IL1RAPL1: variants seen among roughly 807,000 people sequenced by gnomAD.
IL1RAPL1 encodes the protein interleukin-1 receptor accessory protein-like 1.
IL1RAPL1 carries 3 observed loss-of-function variants against 48.4 expected under a neutral mutation model. The observed-to-expected ratio is 0.06, with a 90% CI of 0.03 to 0.16. IL1RAPL1 has a LOEUF of 0.16. Among genes scored for constraint, IL1RAPL1 ranks in the 10% least tolerant of loss-of-function variants. The pLI, the probability that IL1RAPL1 is intolerant of heterozygous loss-of-function variation, is 1.00. For missense variants in IL1RAPL1, 349 were observed against 530.6 expected (o/e 0.66, Z 3.36); for synonymous variants, 185 against 187.7 (o/e 0.99, Z 0.12).
At chrX:29,600,690 G>A (rs1923694951) in intron 5 of IL1RAPL1, among the ~76,000 whole-genome samples, 1 of 111,227 alleles carries the variant, frequency 9.0e-6, no homozygotes, top group East Asian at 2.8e-4. Context: ...ACCAGGTGGG[G>A]GGCAGGGATA....
intron 4 of IL1RAPL1, 150 bp from the exon 5 acceptor site, chrX:29,399,005 T>C (rs1424697846): frequency 1.4e-5 from 6 of 441,166 alleles, no homozygotes; most frequent in Non-Finnish European, 2.4e-5. Flanking sequence ...CCCAGAGATT[T>C]TGAGAAGAAA....
At chrX:29,176,839 T>A (rs1035898103) in intron 2 of IL1RAPL1, among the ~76,000 whole-genome samples, 5 of 111,237 alleles carry the variant, frequency 4.5e-5, no homozygotes, top group African/African-American at 1.6e-4. Context: ...GAAGATTTCT[T>A]GTTATTGACA....
chrX:29,189,408 G>C (rs911860652), intron 2 of IL1RAPL1, among the ~76,000 whole-genome samples: 1 of 111,475 alleles, frequency 9.0e-6, no homozygotes, highest in African/African-American at 3.3e-5. Flanking sequence ...TCAGTGTCTA[G>C]AACTCTTTAA....
intron 5 of IL1RAPL1, among the ~76,000 whole-genome samples, chrX:29,547,813 A>G (rs1921677523): frequency 8.9e-6 from 1 of 112,322 alleles, no homozygotes; most frequent in Non-Finnish European, 1.9e-5. Flanking sequence ...ATTGTGATCA[A>G]TAATCTGTGT....
intron 2 of IL1RAPL1, among the ~76,000 whole-genome samples, chrX:28,926,044 G>C (rs1923733815): frequency 8.9e-6 from 1 of 112,179 alleles, no homozygotes; most frequent in Non-Finnish European, 1.9e-5. Context: ...TGATTCTGTA[G>C]CTAAGCTGTT....
At chrX:29,704,579 G>T (rs2147117325) in intron 6 of IL1RAPL1, among the ~76,000 whole-genome samples, 1 of 111,188 alleles carries the variant, frequency 9.0e-6, no homozygotes, top group East Asian at 2.8e-4. Context: ...TGAGGCAGGA[G>T]AATTGCTTGA....
intron 5 of IL1RAPL1, among the ~76,000 whole-genome samples, chrX:29,475,393 T>C (rs1569319377): frequency 1.8e-5 from 2 of 112,087 alleles, no homozygotes; most frequent in Admixed American, 9.5e-5. Flanking sequence ...CATATAAAGA[T>C]ATGAGTAATT....
intron 6 of IL1RAPL1, among the ~76,000 whole-genome samples, chrX:29,736,491 C>T (rs1356077672): frequency 1.8e-5 from 2 of 112,220 alleles, no homozygotes; most frequent in South Asian, 3.7e-4. Flanking sequence ...TCTGGGAGGC[C>T]GAAGCGGGCA....
intron 5 of IL1RAPL1, among the ~76,000 whole-genome samples, chrX:29,644,546 G>GT (rs371435532): frequency 1.5e-3 from 152 of 98,753 alleles, no homozygotes; most frequent in Middle Eastern, 0.011. Context: ...TCTATCATGT[G>GT]TTTTTTTTTT....
At chrX:29,065,460 C>A (rs1012193766) in intron 2 of IL1RAPL1, among the ~76,000 whole-genome samples, 3 of 111,588 alleles carry the variant, frequency 2.7e-5, no homozygotes, top group African/African-American at 9.8e-5. Flanking sequence ...TAAAGATTTT[C>A]TCTTTGTATT....
In IL1RAPL1 at chrX:28,809,324, CATA is replaced by C. The variant is rs201970455; in HGVS notation, c.82+19905_82+19907del. Among the ~76,000 whole-genome samples the C allele has an allele frequency of 9.8e-4, 108 of 110,203 alleles. 1 individual carries two copies. In the East Asian group the frequency reaches 0.029, roughly 29 times the overall value. On this transcript the variant is annotated intron_variant, in intron 2 of 10. Coordinates refer to ENST00000378993, the MANE Select transcript of IL1RAPL1 (RefSeq NM_014271.4). ...TGGGCTTAAATAAACAAGATAATTT[CATA>C]ATAATTCATGCTATGAATAAAATAA...
intron 5 of IL1RAPL1, among the ~76,000 whole-genome samples, chrX:29,659,727 C>A (rs764571723): frequency 9.0e-6 from 1 of 111,499 alleles, no homozygotes. Context: ...CGGGTTCAAG[C>A]GATTCTCCTA....
intron 2 of IL1RAPL1, among the ~76,000 whole-genome samples, chrX:29,124,491 A>C (rs973501806): frequency 8.9e-6 from 1 of 112,574 alleles, no homozygotes; most frequent in Non-Finnish European, 1.9e-5. Context: ...AACTTACTCT[A>C]ATCACTCTGT....
At chrX:28,772,389 T>C (rs773057246) in intron 1 of IL1RAPL1, among the ~76,000 whole-genome samples, 95 of 111,481 alleles carry the variant, frequency 8.5e-4, no homozygotes, top group Non-Finnish European at 1.1e-3. Flanking sequence ...TGCAATAAAC[T>C]ACTACTGGAG....
At chrX:28,911,476 A>T (rs980612069) in intron 2 of IL1RAPL1, among the ~76,000 whole-genome samples, 2 of 110,874 alleles carry the variant, frequency 1.8e-5, no homozygotes, top group Non-Finnish European at 3.8e-5. Flanking sequence ...CACTTCCCCC[A>T]TTGTATCCTC....
chrX:29,162,869 C>T (rs1409263491), intron 2 of IL1RAPL1, among the ~76,000 whole-genome samples: 1 of 109,051 alleles, frequency 9.2e-6, no homozygotes, highest in African/African-American at 3.3e-5. Flanking sequence ...GTCAGGATTT[C>T]GAGACCAGCC....
intron 5 of IL1RAPL1, among the ~76,000 whole-genome samples, chrX:29,443,539 A>T (rs757631980): frequency 3.6e-5 from 4 of 111,332 alleles, no homozygotes; most frequent in Non-Finnish European, 5.7e-5. Context: ...GGGAGGGCAG[A>T]CCACTGATGT....
At chrX:29,712,635 A>G (rs1601791156) in intron 6 of IL1RAPL1, among the ~76,000 whole-genome samples, 2 of 112,139 alleles carry the variant, frequency 1.8e-5, no homozygotes, top group East Asian at 5.6e-4. Context: ...GTTGAGTTAA[A>G]TATTTTATGA....
intron 3 of IL1RAPL1, among the ~76,000 whole-genome samples, chrX:29,356,609 A>G (rs1933307413): frequency 9.0e-6 from 1 of 110,553 alleles, no homozygotes; most frequent in Non-Finnish European, 1.9e-5. Context: ...TCTAATTTCT[A>G]AATGCTTCGT....
Sources: allele counts gnomAD v4.1 joint callset (sites outside exome capture counted in the v4.1 genomes callset), GRCh38; gene constraint gnomAD v4.1.1; transcripts MANE v1.5; gene names NCBI Gene and HGNC (gene_info 2026-07-23, HGNC 2026-07-21).